The following CLDN18 variants were observed in gnomAD, a reference collection of about 807,000 sequenced individuals.
CLDN18 encodes the protein claudin-18.
CLDN18 carries 20 observed loss-of-function variants against 25.0 expected under a neutral mutation model. The observed-to-expected ratio is 0.80, with a 90% CI of 0.56 to 1.16. The LOEUF (loss-of-function observed/expected upper bound fraction) is 1.16, where lower values mean the gene tolerates loss of function less well. Among genes scored for constraint, CLDN18 ranks in the 50% most tolerant of loss-of-function variants. CLDN18 has a pLI of 0.00. For synonymous variants in CLDN18, 125 were observed against 135.6 expected (o/e 0.92, Z 0.54); for missense variants, 297 against 345.4 (o/e 0.86, Z 1.11).
At chr3:137,999,107 G>A in intron 1 of CLDN18, 1 of 1,607,916 alleles carries the variant, frequency 6.2e-7, no homozygotes, top group East Asian at 2.2e-5. Flanking sequence ...CAGGTGTCTG[G>A]CTGGCTGGAG....
At chr3:138,004,469 T>C (rs1421810149) in intron 1 of CLDN18, among the ~76,000 whole-genome samples, 1 of 152,180 alleles carries the variant, frequency 6.6e-6, no homozygotes, top group East Asian at 1.9e-4. Context: ...AAGTTTTTTT[T>C]TTTAAGTATA....
Position 138,029,843 on chromosome 3 carries a change from C to G in CLDN18, c.550C>G (p.Leu184Val). 5 of 1,596,460 alleles carry G rather than the reference C, an allele frequency of 3.1e-6. No homozygotes were observed. Among genetic ancestry groups the G allele is most frequent in the Non-Finnish European group, 4.3e-6 (5 of 1,172,370 alleles). Reference protein sequence around the residue: ...ALFVGWVAGGLTLIGGVMMCI... With the variant: ...ALFVGWVAGGVTLIGGVMMCI... ...GTTCGTGGGCTGGGTCGCTGGAGGC[C>G]TCACACTAATTGGGGGTGTGATGAT... The change falls in exon 4 of 5, where the codon CTC becomes GTC. Residue 184 changes from leucine (L) to valine (V), a missense_variant. Physicochemically the swap from Leu to Val is conservative, Grantham distance 32. Transcript: ENST00000183605.
rs1305725525 is a variant in CLDN18 at position 138,031,355 on chromosome 3, G to A, written c.*214G>A. The A allele has an allele frequency of 2.2e-5, 9 of 400,450 alleles. No homozygotes were observed. The highest frequency in any genetic ancestry group is 4.0e-5 in the Non-Finnish European group (9 of 227,494). 24.8% of individuals were successfully genotyped at this position (400,450 alleles called of 1,614,324 possible). On this transcript the variant is annotated 3_prime_UTR_variant, in exon 5 of 5. Coordinates refer to ENST00000183605, the MANE Select transcript of CLDN18 (RefSeq NM_016369.4). ...CAGCTGAGTTATTTATGAATTAGAGGCTATAGCTCACATTTTCAATCCTCT... is the reference window on the plus strand; with the variant it reads ...CAGCTGAGTTATTTATGAATTAGAGACTATAGCTCACATTTTCAATCCTCT...
intron 1 of CLDN18, among the ~76,000 whole-genome samples, chr3:138,017,390 A>T (rs544777564): frequency 3.3e-5 from 5 of 152,026 alleles, no homozygotes; most frequent in Non-Finnish European, 7.4e-5. Flanking sequence ...TCAGTGTGTA[A>T]AAACAACAGC....
chr3:138,007,582 T>C (rs986586889), upstream of CLDN18, among the ~76,000 whole-genome samples: 64 of 152,146 alleles, frequency 4.2e-4, no homozygotes, highest in African/African-American at 1.3e-3. Context: ...AGATGATGGG[T>C]CAATAGGTGC....
rs759037089 is a variant in CLDN18, at chr3:138,023,784, A to G, written c.347A>G (p.Asn116Ser). The change falls in exon 2 of 5, where the codon AAC becomes AGC. Residue 116 changes from asparagine to serine, a missense_variant. Transcript: ENST00000183605. Reference sequence around the variant, plus strand: ...AGCATGGAGGACTCTGCCAAAGCCAACATGACACTGACCTCCGGGATCATG... The same window carrying G: ...AGCATGGAGGACTCTGCCAAAGCCAGCATGACACTGACCTCCGGGATCATG... ...IGSMEDSAKA[N>S]MTLTSGIMFI... 5 of 1,614,068 alleles carry G rather than the reference A, an allele frequency of 3.1e-6. No homozygotes were observed. Among genetic ancestry groups the G allele is most frequent in the East Asian group, 4.5e-5 (2 of 44,888 alleles).
chr3:138,023,383 G>C (rs935840415), intron 1 of CLDN18, among the ~76,000 whole-genome samples: 3 of 151,964 alleles, frequency 2.0e-5, no homozygotes, highest in Admixed American at 6.6e-5. Context: ...CAATCCAAGG[G>C]CCCCCCCAAG....
chr3:138,021,315 G>T (rs1285281294), intron 1 of CLDN18, among the ~76,000 whole-genome samples: 1 of 150,820 alleles, frequency 6.6e-6, no homozygotes, highest in Non-Finnish European at 1.5e-5. Context: ...TTTTAATTTT[G>T]CCTGGATGTT....
chr3:138,022,932 T>C (rs547628104), intron 1 of CLDN18, among the ~76,000 whole-genome samples: 1 of 152,322 alleles, frequency 6.6e-6, no homozygotes, highest in African/African-American at 2.4e-5. Context: ...ACTTTGGATA[T>C]ATCTGGAGGT....
chr3:138,024,816 C>A, intron 3 of CLDN18, 92 bp downstream of exon 3: 1 of 679,320 alleles, frequency 1.5e-6, no homozygotes, highest in Non-Finnish European at 2.6e-6. Flanking sequence ...ACTGTCAGTG[C>A]CTGAAATAGC....
In CLDN18 at chr3:138,024,625, G is replaced by C. The variant is rs1232586228; in HGVS notation, c.404G>C (p.Gly135Ala). ...FIVSGLCAIA[G>A]VSVFANMLVT... Reference sequence around the variant, plus strand: ...CCCACAGGTCTTTGTGCAATTGCTGGAGTGTCTGTGTTTGCCAACATGCTG... The same window carrying C: ...CCCACAGGTCTTTGTGCAATTGCTGCAGTGTCTGTGTTTGCCAACATGCTG... Residue 135 changes from glycine (G) to alanine (A), a missense_variant, in exon 3 of 5, where the codon GGA becomes GCA. Coordinates refer to ENST00000183605, the MANE Select transcript of CLDN18 (RefSeq NM_016369.4). 1.2e-6 allele frequency: 2 copies of C among 1,611,518 alleles called. No individual in the cohort carries two copies. Among genetic ancestry groups the C allele is most frequent in the Middle Eastern group, 1.6e-4 (1 of 6,062 alleles).
At chr3:138,027,838 C>T (rs374413430) in intron 3 of CLDN18, among the ~76,000 whole-genome samples, 6 of 152,162 alleles carry the variant, frequency 3.9e-5, no homozygotes, top group African/African-American at 7.2e-5. Context: ...GGAAAAGATC[C>T]GCTGTTCAGC....
rs1942400703 is a variant in CLDN18, at chr3:138,031,884, T to C, written c.*743T>C. On this transcript the variant is annotated 3_prime_UTR_variant, in exon 5 of 5. Coordinates refer to ENST00000183605, the MANE Select transcript of CLDN18 (RefSeq NM_016369.4). The stretch of plus-strand genomic sequence containing the variant: ...AGAAAATTATTTTTTTTAATTTAAG[T>C]CCTAAATATAGTTAAAATAAATAAT... The C allele has an allele frequency of 6.6e-6, 1 of 152,172 alleles. No individual in the cohort carries two copies. Among genetic ancestry groups the C allele is most frequent in the African/African-American group, 2.4e-5 (1 of 41,442 alleles). 9.4% of individuals were successfully genotyped at this position (152,172 alleles called of 1,614,324 possible). A position where few individuals can be genotyped will look rare whatever the true frequency, so the allele number is the denominator to read the frequency against.
At chr3:138,006,473 G>A (rs1163291009), upstream of CLDN18, among the ~76,000 whole-genome samples, 1 of 152,132 alleles carries the variant, frequency 6.6e-6, no homozygotes, top group African/African-American at 2.4e-5. Flanking sequence ...TTTCCCCTAG[G>A]AAGTCAGCAA....
intron 1 of CLDN18, among the ~76,000 whole-genome samples, chr3:138,004,392 G>GC (rs1178496235): frequency 6.6e-6 from 1 of 151,912 alleles, no homozygotes; most frequent in Non-Finnish European, 1.5e-5. Flanking sequence ...CAAAATACCG[G>GC]CAAGAGTTTC....
intron 1 of CLDN18, among the ~76,000 whole-genome samples, chr3:138,017,055 C>CAA (rs67937956): frequency 0.39 from 53,575 of 139,014 alleles, 10,800 homozygotes; most frequent in Middle Eastern, 0.56. Flanking sequence ...GACTCTGTCT[C>CAA]AAAAAAAAAA....
chr3:138,004,024 A>C (rs78645515), intron 1 of CLDN18, among the ~76,000 whole-genome samples: 3 of 152,132 alleles, frequency 2.0e-5, no homozygotes, highest in Non-Finnish European at 2.9e-5. Context: ...ATACAAAAAA[A>C]TTAGCCAGGT....
chr3:138,005,517 C>T (rs1942060125), upstream of CLDN18, among the ~76,000 whole-genome samples: 1 of 152,052 alleles, frequency 6.6e-6, no homozygotes, highest in Admixed American at 6.6e-5. Context: ...TGTTAGTTTG[C>T]TGAGAATGGT....
In CLDN18 at chr3:138,031,302, C is replaced by T; in HGVS notation, c.*161C>T. 2 of 505,272 alleles carry T rather than the reference C, an allele frequency of 4.0e-6. No homozygotes were observed. The highest frequency in any genetic ancestry group is 1.0e-3 in the Middle Eastern group (2 of 1,914). The allele number at this position is 505,272 out of a possible 1,614,324, so 31.3% of individuals were successfully genotyped here. On this transcript the variant is annotated 3_prime_UTR_variant, in exon 5 of 5. Transcript: ENST00000183605. The stretch of plus-strand genomic sequence containing the variant: ...GAGGCCAAATGGTCTTAGCCTCAGT[C>T]TCTGTCTCTAAATATTCCACCATAA...
Sources: gnomAD v4.1 joint callset for allele counts (sites outside exome capture counted in the v4.1 genomes callset) on GRCh38, gnomAD v4.1.1 for gene constraint, MANE v1.5 for transcripts, NCBI Gene and HGNC (gene_info 2026-07-23, HGNC 2026-07-21) for gene names.